The following ZCCHC12 variants were observed in gnomAD, a reference collection of about 807,000 sequenced individuals.
ZCCHC12 encodes the protein zinc finger CCHC domain-containing protein 12.
For missense variants in ZCCHC12, 317 were observed against 323.4 expected (o/e 0.98, Z 0.15); for synonymous variants, 128 against 123.2 (o/e 1.04, Z -0.26).
chrX:118,825,102 A>G (rs769581101), intron 3 of ZCCHC12, 29 bp from the exon 4 acceptor site: 21 of 782,536 alleles, frequency 2.7e-5, no homozygotes, highest in Non-Finnish European at 4.0e-5. Context: ...CCGCTCCCTT[A>G]TTAACCAGCC....
chrX:118,824,604 C>T lies in ZCCHC12; in HGVS notation c.-224C>T, dbSNP rs1431374359. On this transcript the variant is annotated 5_prime_UTR_variant, in exon 3 of 4. Transcript: ENST00000310164. ...AAACCTCAAGGACCCGGATCTGCGA[C>T]CCCCTGTGGACAGAGGTTGACCGTA... is the stretch of plus-strand genomic sequence containing the variant. The T allele has an allele frequency of 9.0e-6, 1 of 111,244 alleles. No individual in the cohort carries two copies. The highest frequency in any genetic ancestry group is 1.9e-5 in the Non-Finnish European group (1 of 53,212). The allele number at this position is 111,244 out of a possible 1,213,427, so 9.2% of individuals were successfully genotyped here.
At chrX:118,824,907 C>T (rs2018232248) in intron 3 of ZCCHC12, among the ~76,000 whole-genome samples, 194 bp downstream of exon 3, 1 of 111,587 alleles carries the variant, frequency 9.0e-6, no homozygotes, top group African/African-American at 3.3e-5. Context: ...CAACAGTTAC[C>T]GTCCCTCTTG....
Position 118,826,251 on chromosome X carries a change from G to A in ZCCHC12, c.1007G>A (p.Arg336His), listed in dbSNP as rs370321809. 5.3e-5 allele frequency: 64 copies of A among 1,209,661 alleles called. No homozygotes were observed. The highest frequency in any genetic ancestry group is 6.3e-5 in the Non-Finnish European group (56 of 895,143). ...AAGAATAACGGTCCTGGGGAGATGCGTAGAGCCAGGAAGCGAAAACACACA... is the reference window on the plus strand; with the variant it reads ...AAGAATAACGGTCCTGGGGAGATGCATAGAGCCAGGAAGCGAAAACACACA... ...GYKNNGPGEM[R>H]RARKRKHTIR... Residue 336 changes from arginine (R) to histidine (H), a missense_variant, in exon 4 of 4, where the codon CGT becomes CAT. Arg to His is a conservative substitution (Grantham distance 29). Transcript: ENST00000310164.
intron 3 of ZCCHC12, 75 bp from the exon 4 acceptor site, chrX:118,825,056 C>T: frequency 4.1e-6 from 2 of 491,702 alleles, no homozygotes; most frequent in Non-Finnish European, 3.4e-6. Flanking sequence ...AAATGTACTG[C>T]AGGATATTCA....
chrX:118,825,539 C>T lies in ZCCHC12; in HGVS notation c.295C>T (p.Arg99Cys), dbSNP rs770376963. 3 of 1,212,017 alleles carry T rather than the reference C, an allele frequency of 2.5e-6. No homozygotes were observed. Among genetic ancestry groups the T allele is most frequent in the Non-Finnish European group, 3.3e-6 (3 of 895,605 alleles). The change falls in exon 4 of 4, where the codon CGT becomes TGT. Residue 99 changes from arginine (R) to cysteine (C), a missense_variant. By Grantham distance (180) the Arg-to-Cys change is radical. Coordinates refer to ENST00000310164, the MANE Select transcript of ZCCHC12 (RefSeq NM_173798.4). ...TLRGPAREVM[R>C]VLQATNPNLS... ...TAGGGGCCCTGCCCGCGAGGTCATG[C>T]GTGTGCTTCAGGCGACCAACCCTAA... is the stretch of plus-strand genomic sequence containing the variant.
Position 118,825,925 on chromosome X carries a change from TA to T in ZCCHC12, c.684del (p.Lys228AsnfsTer27), listed in dbSNP as rs779452305. On this transcript the variant is annotated frameshift_variant, in exon 4 of 4. Transcript: ENST00000310164. LOFTEE classifies it low-confidence loss of function (END_TRUNC). ...EEEDWDDAFI[K>X]RKRPKRSESM... ...AAGAGGATTGGGATGATGCTTTTAT[TA>T]AACGGAAGCGTCCAAAAAGGTCTGA... The T allele has an allele frequency of 7.4e-6, 9 of 1,209,760 alleles. No individual in the cohort carries two copies. The highest frequency in any genetic ancestry group is 2.2e-5 in the Admixed American group (1 of 45,783).
In ZCCHC12 at chrX:118,826,735, T is replaced by G. The variant is rs2147428756; in HGVS notation, c.*282T>G. 2.8e-6 allele frequency: 1 copy of G among 363,082 alleles called. No homozygotes were observed. Among genetic ancestry groups the G allele is most frequent in the East Asian group, 5.0e-5 (1 of 20,022 alleles). The allele number at this position is 363,082 out of a possible 1,213,427, so 29.9% of individuals were successfully genotyped here. On this transcript the variant is annotated 3_prime_UTR_variant, in exon 4 of 4. Coordinates refer to ENST00000310164, the MANE Select transcript of ZCCHC12 (RefSeq NM_173798.4). ...TTGTGAAAGTGGTATAATTTATTGT[T>G]AAATATTTGAACAATAAAAAAGGTA...
chrX:118,826,872 G>C lies in ZCCHC12; in HGVS notation c.*419G>C. On this transcript the variant is annotated 3_prime_UTR_variant, in exon 4 of 4. Transcript: ENST00000310164. ...ATGTACCCAGATAGATATATGCATA[G>C]ATAAAAGTGATGAAATATAAGTGCT... The C allele has an allele frequency of 5.7e-6, 1 of 175,325 alleles. No homozygotes were observed. The highest frequency in any genetic ancestry group is 1.2e-5 in the Non-Finnish European group (1 of 86,368). 14.4% of individuals were successfully genotyped at this position (175,325 alleles called of 1,213,427 possible).
In ZCCHC12 at chrX:118,826,327, C is replaced by T; in HGVS notation, c.1083C>T (p.Asp361=). 8.3e-7 allele frequency: 1 copy of T among 1,211,771 alleles called. No individual in the cohort carries two copies. Among genetic ancestry groups the T allele is most frequent in the Non-Finnish European group, 1.1e-6 (1 of 895,546 alleles). The change falls in exon 4 of 4, where the codon GAC becomes GAT. Residue 361 remains aspartate, a synonymous_variant. Coordinates refer to ENST00000310164, the MANE Select transcript of ZCCHC12 (RefSeq NM_173798.4). ...AAGGCCACTCAAAAGAAACCTGTGA[C>T]AACGAGAGTGACAAGGCCCAGGTTT... The part of the protein sequence containing the change: ...GEEGHSKETC[D]NESDKAQVFE...
In ZCCHC12 at chrX:118,825,741, C is replaced by T. The variant is rs1175898031; in HGVS notation, c.497C>T (p.Ala166Val). ...AACGCTATTCAGGCAGGCATTATAG[C>T]TGAGAAAGATGCAAACCGGACTCGC... is the stretch of plus-strand genomic sequence containing the variant. ...LQNAIQAGII[A>V]EKDANRTRLQ... The change falls in exon 4 of 4, where the codon GCT (alanine) becomes GTT (valine). Residue 166 changes from alanine (A) to valine (V), a missense_variant. Ala to Val is a moderately conservative substitution (Grantham distance 64). Coordinates refer to ENST00000310164, the MANE Select transcript of ZCCHC12 (RefSeq NM_173798.4). 8.3e-7 allele frequency: 1 copy of T among 1,211,785 alleles called. No individual in the cohort carries two copies. Among genetic ancestry groups the T allele is most frequent in the South Asian group, 1.8e-5 (1 of 56,999 alleles).
chrX:118,825,368 G>T lies in ZCCHC12; in HGVS notation c.124G>T (p.Asp42Tyr), dbSNP rs552457661. Reference sequence around the variant, plus strand: ...CGGTCCTATAATGGCCAGCATGGCAGACAGAAACATGAAGTTGTTCTCGGG... The same window carrying T: ...CGGTCCTATAATGGCCAGCATGGCATACAGAAACATGAAGTTGTTCTCGGG... ...SLGPIMASMA[D>Y]RNMKLFSGRV... is the part of the protein sequence containing the mutation. The change falls in exon 4 of 4, where the codon GAC becomes TAC. Residue 42 changes from aspartate (D) to tyrosine (Y), a missense_variant. Asp to Tyr is a radical substitution (Grantham distance 160). Transcript: ENST00000310164. 1 of 1,209,134 alleles carries T rather than the reference G, an allele frequency of 8.3e-7. No homozygotes were observed. Among genetic ancestry groups the T allele is most frequent in the East Asian group, 3.0e-5 (1 of 33,750 alleles).
chrX:118,825,291 C>A lies in ZCCHC12; in HGVS notation c.47C>A (p.Ala16Glu). 2 of 1,211,919 alleles carry A rather than the reference C, an allele frequency of 1.7e-6. No individual in the cohort carries two copies. The highest frequency in any genetic ancestry group is 2.2e-6 in the Non-Finnish European group (2 of 895,468). The change falls in exon 4 of 4, where the codon GCA becomes GAA. Residue 16 changes from alanine to glutamate, a missense_variant. Ala to Glu is a moderately radical substitution (Grantham distance 107, BLOSUM62 -1). Coordinates refer to ENST00000310164, the MANE Select transcript of ZCCHC12 (RefSeq NM_173798.4). The stretch of plus-strand genomic sequence containing the variant: ...GTCGGTAACAGCCGGCGGCTGAATG[C>A]ACCCTTGCCGCCTTGGGCCCATTCC... The part of the protein sequence containing the change: ...ARVGNSRRLN[A>E]PLPPWAHSML...
At chrX:118,825,065 C>G (rs2018233670) in intron 3 of ZCCHC12, 66 bp from the exon 4 acceptor site, 4 of 510,563 alleles carry the variant, frequency 7.8e-6, no homozygotes, top group African/African-American at 2.4e-5. Flanking sequence ...GCAGGATATT[C>G]AGGTAGGAAG....
At position 118,826,322 on chromosome X, in the gene ZCCHC12, T is replaced by G. The variant is rs759168743; in HGVS notation, c.1078T>G (p.Cys360Gly). The change falls in exon 4 of 4, where the codon TGT becomes GGT. Residue 360 changes from cysteine (C) to glycine (G), a missense_variant. Cys to Gly is a radical substitution (Grantham distance 159). Coordinates refer to ENST00000310164, the MANE Select transcript of ZCCHC12 (RefSeq NM_173798.4). Reference sequence around the variant, plus strand: ...TGAGGAAGGCCACTCAAAAGAAACCTGTGACAACGAGAGTGACAAGGCCCA... The same window carrying G: ...TGAGGAAGGCCACTCAAAAGAAACCGGTGACAACGAGAGTGACAAGGCCCA... ...CGEEGHSKET[C>G]DNESDKAQVF... 2.5e-6 allele frequency: 3 copies of G among 1,211,616 alleles called. No homozygotes were observed. In the East Asian group the frequency reaches 8.9e-5, roughly 36 times the overall value.
In ZCCHC12 at chrX:118,826,566, C is replaced by G; in HGVS notation, c.*113C>G. ...TAACTGCATGAATTAATCCACAAAGCGGCTATCTTTTGGGGTGGAGTAGAA... is the reference window on the plus strand; with the variant it reads ...TAACTGCATGAATTAATCCACAAAGGGGCTATCTTTTGGGGTGGAGTAGAA... On this transcript the variant is annotated 3_prime_UTR_variant, in exon 4 of 4. Coordinates refer to ENST00000310164, the MANE Select transcript of ZCCHC12 (RefSeq NM_173798.4). 3 of 1,048,307 alleles carry G rather than the reference C, an allele frequency of 2.9e-6. No homozygotes were observed. The highest frequency in any genetic ancestry group is 3.9e-6 in the Non-Finnish European group (3 of 760,935). The allele number at this position is 1,048,307 out of a possible 1,213,427, so 86.4% of individuals were successfully genotyped here. A position where few individuals can be genotyped will look rare whatever the true frequency, so the allele number is the denominator to read the frequency against.
Position 118,826,396 on chromosome X carries a change from G to A in ZCCHC12, c.1152G>A (p.Glu384=), listed in dbSNP as rs547179242. 34 of 1,209,437 alleles carry A rather than the reference G, an allele frequency of 2.8e-5. No homozygotes were observed. In the South Asian group the frequency reaches 5.6e-4, roughly 20 times the overall value. The change falls in exon 4 of 4, where the codon GAG becomes GAA. Residue 384 remains glutamate (E), a synonymous_variant. Coordinates refer to ENST00000310164, the MANE Select transcript of ZCCHC12 (RefSeq NM_173798.4). ...IITLQELTHT[E]MERSRVAPGE... ...CTCTCCAGGAGCTGACCCATACTGA[G>A]ATGGAGAGGTCAAGAGTGGCCCCTG...
At chrX:118,824,531 C>T (rs2018227915) in intron 2 of ZCCHC12, 58 bp from the exon 3 acceptor site, 1 of 110,929 alleles carries the variant, frequency 9.0e-6, no homozygotes, top group African/African-American at 3.3e-5. Context: ...GGTGAAGCTG[C>T]TTCTAACCCT....
Position 118,823,917 on chromosome X carries a change from A to C in ZCCHC12, c.-380A>C, listed in dbSNP as rs921861185. On this transcript the variant is annotated 5_prime_UTR_variant, in exon 1 of 4. Coordinates refer to ENST00000310164, the MANE Select transcript of ZCCHC12 (RefSeq NM_173798.4). ...GTCGCTTAGCGGCCAAGGAGGCTTC[A>C]GTTCTTTGCCGCCTGCAAGGCGGAG... 8 of 113,274 alleles carry C rather than the reference A, an allele frequency of 7.1e-5. No individual in the cohort carries two copies. Among genetic ancestry groups the C allele is most frequent in the Non-Finnish European group, 1.5e-4 (8 of 53,387 alleles). 9.3% of individuals were successfully genotyped at this position (113,274 alleles called of 1,213,427 possible).
chrX:118,825,404 C>T lies in ZCCHC12; in HGVS notation c.160C>T (p.Pro54Ser). Residue 54 changes from proline to serine, a missense_variant, in exon 4 of 4, where the codon CCA becomes TCA. Transcript: ENST00000310164. ...GAAGTTGTTCTCGGGGAGGGTGGTG[C>T]CAGCCCAAGGGGAAGAAACCTTTGA... ...NMKLFSGRVVPAQGEETFENW... is the reference protein window; with the variant it reads ...NMKLFSGRVVSAQGEETFENW... 1.7e-6 allele frequency: 2 copies of T among 1,210,558 alleles called. No individual in the cohort carries two copies. Among genetic ancestry groups the T allele is most frequent in the East Asian group, 5.9e-5 (2 of 33,813 alleles).
Sources: allele counts gnomAD v4.1 joint callset (sites outside exome capture counted in the v4.1 genomes callset), GRCh38; gene constraint gnomAD v4.1.1; transcripts MANE v1.5; gene names NCBI Gene and HGNC (gene_info 2026-07-23, HGNC 2026-07-21).